COG5: variants seen among roughly 807,000 people sequenced by gnomAD.
COG5 encodes the protein component of oligomeric golgi complex 5, also known as conserved oligomeric Golgi complex subunit 5.
In COG5, 86 loss-of-function variants were observed where a neutral mutation model predicts 110.4. That is an observed-to-expected ratio of 0.78 (90% CI 0.65 to 0.93). COG5 has a LOEUF of 0.93. Ranked by LOEUF, COG5 falls within the 40% of genes least tolerant of loss-of-function variation. The pLI is 0.00. For synonymous variants in COG5, 360 were observed against 334.6 expected, an observed-to-expected ratio of 1.08 and a Z score of -0.83; for missense variants, 1,077 against 987.0, an observed-to-expected ratio of 1.09 and a Z score of -1.22.
chr7:107,542,137 T>C (rs552975031), intron 5 of COG5, among the ~76,000 whole-genome samples: 1 of 152,196 alleles, frequency 6.6e-6, no homozygotes, highest in South Asian at 2.1e-4. Flanking sequence ...TGTGAGAATT[T>C]TTCATAAAAG....
rs1357123599 is a variant in COG5 at position 107,356,319 on chromosome 7, T to G, written c.1026+5714A>C. On this transcript the variant is annotated intron_variant, in intron 10 of 21. Coordinates refer to ENST00000297135, the MANE Select transcript of COG5 (RefSeq NM_006348.5). ...TTCCTACTTGATATGGAATTAATAA[T>G]GTAACTGTTTATAATCCATTTTCTA... Among the ~76,000 whole-genome samples, 4 of 152,224 alleles carry G rather than the reference T, an allele frequency of 2.6e-5. No homozygotes were observed. In the South Asian group the frequency reaches 8.3e-4, roughly 31 times the overall value.
intron 14 of COG5, among the ~76,000 whole-genome samples, chr7:107,264,064 A>C (rs1236649671): frequency 6.6e-6 from 1 of 152,230 alleles, no homozygotes; most frequent in Non-Finnish European, 1.5e-5. Context: ...TAGATTACTT[A>C]TAAATTACAA....
At chr7:107,249,701 T>C (rs1360125771) in intron 16 of COG5, among the ~76,000 whole-genome samples, 1 of 126,676 alleles carries the variant, frequency 7.9e-6, no homozygotes, top group Non-Finnish European at 1.5e-5. Flanking sequence ...TGTGTGTGTG[T>C]GTGTGTGTGT....
chr7:107,365,057 T>C (rs528638985), intron 8 of COG5, among the ~76,000 whole-genome samples: 1 of 152,160 alleles, frequency 6.6e-6, no homozygotes, highest in East Asian at 1.9e-4. Context: ...TAGGTCAAAT[T>C]CCTGGAATAT....
intron 14 of COG5, among the ~76,000 whole-genome samples, chr7:107,275,399 T>C (rs1473342604): frequency 6.6e-6 from 1 of 151,874 alleles, no homozygotes; most frequent in Admixed American, 6.6e-5. Flanking sequence ...ATTTGTTTCA[T>C]CTGTTTGCAC....
intron 10 of COG5, among the ~76,000 whole-genome samples, chr7:107,349,027 C>G (rs1811889419): frequency 1.3e-5 from 2 of 152,066 alleles, no homozygotes; most frequent in Admixed American, 6.6e-5. Flanking sequence ...ATGCCTGGCT[C>G]TGGAGTTTTT....
chr7:107,548,260 T>G lies in COG5; in HGVS notation c.347+18A>C, dbSNP rs1162001756. The G allele has an allele frequency of 6.2e-7, 1 of 1,607,504 alleles. No individual in the cohort carries two copies. Among genetic ancestry groups the G allele is most frequent in the South Asian group, 1.1e-5 (1 of 90,974 alleles). ...AAAACATTCCCATTCCATTTATTTATAAAATTAAGAACAGTACCTATCAAC... is the reference window on the plus strand; with the variant it reads ...AAAACATTCCCATTCCATTTATTTAGAAAATTAAGAACAGTACCTATCAAC... On this transcript the variant is annotated intron_variant, in intron 4 of 21. Coordinates refer to ENST00000297135, the MANE Select transcript of COG5 (RefSeq NM_006348.5).
intron 14 of COG5, among the ~76,000 whole-genome samples, chr7:107,273,634 T>C (rs1055333737): frequency 2.0e-5 from 3 of 152,170 alleles, no homozygotes; most frequent in Admixed American, 6.5e-5. Context: ...ATTTCAAAAA[T>C]CTTCCTGATG....
At chr7:107,468,747 C>A (rs1390740026) in intron 6 of COG5, among the ~76,000 whole-genome samples, 2 of 151,906 alleles carry the variant, frequency 1.3e-5, no homozygotes, top group Admixed American at 1.3e-4. Context: ...GAGAATAGTT[C>A]CAATTGCAAA....
intron 6 of COG5, among the ~76,000 whole-genome samples, chr7:107,469,126 T>G (rs1796482199): frequency 6.6e-6 from 1 of 151,600 alleles, no homozygotes; most frequent in Admixed American, 6.6e-5. Flanking sequence ...TATCTTATAA[T>G]GATTTGGCTT....
chr7:107,246,663 G>A lies in COG5; in HGVS notation c.1853+1733C>T, dbSNP rs140864015. ...CATTAGAGAAATGCAAATCAAAACC[G>A]CAATGAGATACCATCTCACACCAGT... On this transcript the variant is annotated intron_variant, in intron 17 of 21. Transcript: ENST00000297135. 1.9e-4 allele frequency among the ~76,000 whole-genome samples: 29 copies of A among 152,032 alleles called. 1 individual carries two copies. In the East Asian group the frequency reaches 2.1e-3, roughly 11 times the overall value.
intron 10 of COG5, among the ~76,000 whole-genome samples, chr7:107,342,807 G>A (rs1811280262): frequency 6.6e-6 from 1 of 152,154 alleles, no homozygotes; most frequent in Non-Finnish European, 1.5e-5. Context: ...AGAGCAATTT[G>A]AAGATTTCTC....
intron 6 of COG5, among the ~76,000 whole-genome samples, chr7:107,428,002 T>A (rs1182694460): frequency 6.6e-6 from 1 of 151,972 alleles, no homozygotes; most frequent in African/African-American, 2.4e-5. Context: ...GCTGACTGGT[T>A]TGTGAGTATG....
intron 6 of COG5, among the ~76,000 whole-genome samples, chr7:107,440,546 C>T (rs1794645015): frequency 6.6e-6 from 1 of 152,136 alleles, no homozygotes; most frequent in Admixed American, 6.5e-5. Context: ...ATGATGGTGG[C>T]CACTAGACAG....
intron 21 of COG5, among the ~76,000 whole-genome samples, chr7:107,205,571 A>T (rs890134178): frequency 6.6e-6 from 1 of 152,242 alleles, no homozygotes; most frequent in African/African-American, 2.4e-5. Flanking sequence ...AGGGGGTGCC[A>T]AAGGGCCTGT....
intron 12 of COG5, among the ~76,000 whole-genome samples, chr7:107,290,958 T>C (rs553678938): frequency 7.0e-4 from 106 of 152,244 alleles, no homozygotes; most frequent in African/African-American, 2.5e-3. Flanking sequence ...ACCCAGCCGA[T>C]TGTATAGTTT....
intron 10 of COG5, among the ~76,000 whole-genome samples, chr7:107,351,526 T>G (rs1051453289): frequency 6.6e-6 from 1 of 152,066 alleles, no homozygotes; most frequent in African/African-American, 2.4e-5. Flanking sequence ...ACAGGCAACC[T>G]ACAGAATGGG....
chr7:107,257,616 C>T (rs1013889717), intron 15 of COG5, among the ~76,000 whole-genome samples: 27 of 151,916 alleles, frequency 1.8e-4, no homozygotes, highest in Admixed American at 2.6e-4. Flanking sequence ...TCAAAAATGA[C>T]CTATAGAGAA....
intron 10 of COG5, among the ~76,000 whole-genome samples, chr7:107,356,875 A>G (rs1396580182): frequency 6.6e-6 from 1 of 152,200 alleles, no homozygotes; most frequent in Non-Finnish European, 1.5e-5. Flanking sequence ...ATCAGGATAT[A>G]TCCTTCTTAA....
Sources: gnomAD v4.1 joint callset for allele counts (sites outside exome capture counted in the v4.1 genomes callset) on GRCh38, gnomAD v4.1.1 for gene constraint, MANE v1.5 for transcripts, NCBI Gene and HGNC (gene_info 2026-07-23, HGNC 2026-07-21) for gene names.